Variants in SLC16A2 observed in about 807,000 individuals in gnomAD.
The protein encoded by SLC16A2 is monocarboxylate transporter 8.
A neutral mutation model predicts 27.2 loss-of-function variants in SLC16A2; 3 were observed. The observed-to-expected ratio is 0.11, with a 90% CI of 0.05 to 0.28. The LOEUF (loss-of-function observed/expected upper bound fraction) is 0.28, where lower values mean the gene tolerates loss of function less well. SLC16A2 is among the 10% of genes least tolerant of loss of function. The pLI, the probability that SLC16A2 is intolerant of heterozygous loss-of-function variation, is 1.00. For missense variants in SLC16A2, 295 were observed against 458.5 expected (o/e 0.64, Z 3.26); for synonymous variants, 202 against 187.8 (o/e 1.08, Z -0.62).
At chrX:74,455,495 G>A (rs993082951) in intron 1 of SLC16A2, among the ~76,000 whole-genome samples, 1 of 111,277 alleles carries the variant, frequency 9.0e-6, no homozygotes, top group African/African-American at 3.3e-5. Flanking sequence ...GGTAGGAAAG[G>A]CTTGCTGATG....
chrX:74,429,584 C>T (rs968685420), intron 1 of SLC16A2, among the ~76,000 whole-genome samples: 1 of 111,673 alleles, frequency 9.0e-6, no homozygotes, highest in Non-Finnish European at 1.9e-5. Context: ...GAAATGTTGC[C>T]AAACAAGCAA....
Position 74,531,892 on chromosome X carries a change from T to C in SLC16A2, c.*339T>C. On this transcript the variant is annotated 3_prime_UTR_variant, in exon 6 of 6. Transcript: ENST00000587091. ...GACCCAGCTTGTTAGTCACCCACTATAATCAACTGCCAAAGGTGCTACTGT... is the reference window on the plus strand; with the variant it reads ...GACCCAGCTTGTTAGTCACCCACTACAATCAACTGCCAAAGGTGCTACTGT... 3.1e-6 allele frequency: 1 copy of C among 317,561 alleles called. No individual in the cohort carries two copies. Among genetic ancestry groups the C allele is most frequent in the Admixed American group, 4.7e-5 (1 of 21,343 alleles). 26.2% of individuals were successfully genotyped at this position (317,561 alleles called of 1,213,427 possible). A position where few individuals can be genotyped will look rare whatever the true frequency, so the allele number is the denominator to read the frequency against.
At chrX:74,440,522 C>CTTTT (rs34468845) in intron 1 of SLC16A2, among the ~76,000 whole-genome samples, 7 of 69,996 alleles carry the variant, frequency 1.0e-4, no homozygotes, top group Non-Finnish European at 1.3e-4. Context: ...ATATAAATTC[C>CTTTT]TTTTTTTTTT....
intron 1 of SLC16A2, among the ~76,000 whole-genome samples, chrX:74,426,396 G>T (rs771570230): frequency 1.6e-4 from 18 of 112,047 alleles, no homozygotes; most frequent in African/African-American, 5.5e-4. Context: ...AAGAGATTGG[G>T]TCATTTGGAG....
chrX:74,423,543 T>C (rs1320268683), intron 1 of SLC16A2, among the ~76,000 whole-genome samples: 1 of 111,315 alleles, frequency 9.0e-6, no homozygotes, highest in African/African-American at 3.3e-5. Flanking sequence ...ACAGCAGCGG[T>C]GTGCAGGCCC....
intron 1 of SLC16A2, among the ~76,000 whole-genome samples, chrX:74,492,001 T>A (rs972663203): frequency 8.9e-6 from 1 of 112,444 alleles, no homozygotes; most frequent in African/African-American, 3.2e-5. Flanking sequence ...AGGATGTCCC[T>A]ATGTAAGCAG....
intron 1 of SLC16A2, among the ~76,000 whole-genome samples, chrX:74,434,920 T>C (rs1389377669): frequency 9.5e-6 from 1 of 104,757 alleles, no homozygotes; most frequent in Non-Finnish European, 1.9e-5. Context: ...GCCTCCCAGG[T>C]TCAAGCGATT....
In SLC16A2 at chrX:74,515,576, C is replaced by CA. The variant is rs752788091; in HGVS notation, c.431-5411dup. 7.2e-5 allele frequency among the ~76,000 whole-genome samples: 8 copies of CA among 111,398 alleles called. No individual in the cohort carries two copies. In the East Asian group the frequency reaches 2.3e-3, roughly 31 times the overall value. ...GAGCAAATCCCAAAGAGAATAAACT[C>CA]AAAGAACTCTATGCCAAGACACATC... On this transcript the variant is annotated intron_variant, in intron 1 of 5. Transcript: ENST00000587091.
chrX:74,530,059 G>T (rs1482917273), intron 5 of SLC16A2, among the ~76,000 whole-genome samples: 1 of 104,962 alleles, frequency 9.5e-6, no homozygotes, highest in Non-Finnish European at 1.9e-5. Context: ...GAAAACCAAT[G>T]ACAAGAGAAC....
At chrX:74,479,698 T>C (rs1929573265) in intron 1 of SLC16A2, among the ~76,000 whole-genome samples, 1 of 112,541 alleles carries the variant, frequency 8.9e-6, no homozygotes, top group Admixed American at 9.4e-5. Flanking sequence ...GTTTTCCTTC[T>C]AACAGTCAGG....
intron 1 of SLC16A2, among the ~76,000 whole-genome samples, chrX:74,507,695 A>T (rs1242628794): frequency 8.9e-6 from 1 of 112,282 alleles, no homozygotes; most frequent in East Asian, 2.8e-4. Context: ...GCATATTTAT[A>T]CCACAGAATA....
intron 1 of SLC16A2, among the ~76,000 whole-genome samples, chrX:74,474,569 G>C (rs1234041255): frequency 4.6e-5 from 5 of 108,774 alleles, no homozygotes; most frequent in Admixed American, 3.0e-4. Flanking sequence ...ATGTTGGTGT[G>C]CTGCACCCAT....
chrX:74,467,710 ATTC>A (rs1429705622), intron 1 of SLC16A2, among the ~76,000 whole-genome samples: 1 of 111,963 alleles, frequency 8.9e-6, no homozygotes, highest in Non-Finnish European at 1.9e-5. Context: ...TAAAAAAGAT[ATTC>A]TTGCCTCCTT....
At chrX:74,425,505 C>T (rs916430101) in intron 1 of SLC16A2, among the ~76,000 whole-genome samples, 4 of 110,850 alleles carry the variant, frequency 3.6e-5, no homozygotes, top group African/African-American at 1.3e-4. Context: ...TTTGTGAGTT[C>T]CCCAACCCAG....
chrX:74,448,809 G>A (rs897697040), intron 1 of SLC16A2, among the ~76,000 whole-genome samples: 1 of 111,100 alleles, frequency 9.0e-6, no homozygotes, highest in Non-Finnish European at 1.9e-5. Context: ...TGATCTCAGG[G>A]GAATTTGGGC....
At chrX:74,489,970 TACACACAC>T (rs55975734) in intron 1 of SLC16A2, among the ~76,000 whole-genome samples, 7 of 87,152 alleles carry the variant, frequency 8.0e-5, no homozygotes, top group Admixed American at 1.4e-4. Context: ...GTCACACACA[TACACACAC>T]ACACACACAC....
chrX:74,449,835 CA>C (rs1928905933), intron 1 of SLC16A2, among the ~76,000 whole-genome samples: 1 of 111,747 alleles, frequency 8.9e-6, no homozygotes, highest in South Asian at 3.8e-4. Context: ...TTAAGTTTGG[CA>C]GCTGTTTTAC....
At chrX:74,509,949 A>G (rs145431434) in intron 1 of SLC16A2, among the ~76,000 whole-genome samples, 39 of 111,869 alleles carry the variant, frequency 3.5e-4, no homozygotes, top group African/African-American at 1.3e-3. Flanking sequence ...TTCATCTGTC[A>G]TTTTCTTTTC....
rs1929262795 is a variant in SLC16A2 at position 74,466,994 on chromosome X, A to G, written c.430+44927A>G. Among the ~76,000 whole-genome samples the G allele has an allele frequency of 2.7e-5, 3 of 112,209 alleles. No individual in the cohort carries two copies. The South Asian group carries it at 1.1e-3, about 41-fold the overall frequency. The stretch of plus-strand genomic sequence containing the variant: ...TGGAGCTAGATGCTTTCCTGGCACA[A>G]TTGGTGAGTTTTGTTCAATTCAACA... On this transcript the variant is annotated intron_variant, in intron 1 of 5. Transcript: ENST00000587091.
Sources: allele counts gnomAD v4.1 joint callset (sites outside exome capture counted in the v4.1 genomes callset), GRCh38; gene constraint gnomAD v4.1.1; transcripts MANE v1.5; gene names NCBI Gene and HGNC (gene_info 2026-07-23, HGNC 2026-07-21).